ITGB3BP: variants seen among roughly 807,000 people sequenced by gnomAD.
ITGB3BP encodes the protein centromere protein R.
Under a neutral mutation model 29.1 loss-of-function variants are expected in ITGB3BP, and 27 were observed. The ratio of observed to expected loss-of-function variants is 0.93; its 90% CI spans 0.68 to 1.28. ITGB3BP has a LOEUF of 1.28. Ranked by LOEUF, ITGB3BP falls within the 50% of genes most tolerant of loss-of-function variation. ITGB3BP has a pLI of 0.00. For missense variants in ITGB3BP, 192 were observed against 200.2 expected, an observed-to-expected ratio of 0.96 and a Z score of 0.25; for synonymous variants, 61 against 61.4, an observed-to-expected ratio of 0.99 and a Z score of 0.03.
chr1:63,485,603 C>G (rs556015464), intron 3 of ITGB3BP, among the ~76,000 whole-genome samples: 20 of 152,024 alleles, frequency 1.3e-4, no homozygotes, highest in Non-Finnish European at 2.6e-4. Context: ...ACTCCTTTAT[C>G]TGAGGTTCAC....
chr1:63,504,314 T>G (rs1035841224), intron 2 of ITGB3BP, among the ~76,000 whole-genome samples: 2 of 151,950 alleles, frequency 1.3e-5, no homozygotes, highest in Non-Finnish European at 2.9e-5. Context: ...GCTCTGTTTG[T>G]CTGTTATTGG....
intron 2 of ITGB3BP, among the ~76,000 whole-genome samples, 175 bp from the exon 3 acceptor site, chr1:63,490,393 T>C (rs1260760675): frequency 6.6e-6 from 1 of 152,176 alleles, no homozygotes; most frequent in Non-Finnish European, 1.5e-5. Context: ...TCAAGGTAGA[T>C]ATTTCAGGTC....
At chr1:63,448,908 A>C (rs1350745415) in intron 7 of ITGB3BP, among the ~76,000 whole-genome samples, 1 of 152,120 alleles carries the variant, frequency 6.6e-6, no homozygotes, top group Admixed American at 6.6e-5. Context: ...AGTATGTGAG[A>C]TATGTCTCTG....
intron 2 of ITGB3BP, among the ~76,000 whole-genome samples, chr1:63,490,707 T>C (rs75021237): frequency 0.024 from 3,631 of 152,292 alleles, 62 homozygotes; most frequent in Middle Eastern, 0.085. Flanking sequence ...GTCCAAACAG[T>C]TGAGTCAGGC....
At chr1:63,455,066 T>TA (rs1644913700) in intron 4 of ITGB3BP, 98 bp from the exon 5 acceptor site, 11 of 624,976 alleles carry the variant, frequency 1.8e-5, no homozygotes, top group Admixed American at 2.8e-5. Context: ...ACCTTAGACT[T>TA]AGGTTCTTTC....
chr1:63,470,770 C>A (rs1557622145), intron 4 of ITGB3BP, among the ~76,000 whole-genome samples: 1 of 151,624 alleles, frequency 6.6e-6, no homozygotes, highest in Non-Finnish European at 1.5e-5. Flanking sequence ...TGGGTATATA[C>A]CCTGAAGTGG....
At chr1:63,475,494 A>C (rs942468271) in intron 4 of ITGB3BP, among the ~76,000 whole-genome samples, 8 of 152,154 alleles carry the variant, frequency 5.3e-5, no homozygotes, top group Non-Finnish European at 1.0e-4. Flanking sequence ...GGTTAAGGTT[A>C]TAGTGGGCTA....
chr1:63,493,070 C>CCACACACACACACACACA (rs10643042), intron 2 of ITGB3BP, among the ~76,000 whole-genome samples: 3 of 146,774 alleles, frequency 2.0e-5, no homozygotes, highest in Non-Finnish European at 4.5e-5. Context: ...GTGGATCACA[C>CCACACACACACACACACA]CACACACACA....
At chr1:63,517,895 T>C (rs755554938) in intron 1 of ITGB3BP, among the ~76,000 whole-genome samples, 3 of 152,198 alleles carry the variant, frequency 2.0e-5, no homozygotes, top group South Asian at 4.1e-4. Context: ...TTAATTTTCA[T>C]ATTTTTTCGT....
intron 4 of ITGB3BP, chr1:63,458,014 T>C (rs1644960291): frequency 1.3e-5 from 2 of 152,176 alleles, no homozygotes; most frequent in South Asian, 2.1e-4. Context: ...GGATTTTCAG[T>C]GCAGTTTTCC....
At chr1:63,486,135 A>G (rs1364751404) in intron 3 of ITGB3BP, among the ~76,000 whole-genome samples, 3 of 151,922 alleles carry the variant, frequency 2.0e-5, no homozygotes, top group African/African-American at 7.2e-5. Context: ...TCTCTGTACT[A>G]TTATATTGTT....
chr1:63,474,498 G>T (rs1254731066), intron 4 of ITGB3BP, among the ~76,000 whole-genome samples: 3 of 151,136 alleles, frequency 2.0e-5, no homozygotes, highest in East Asian at 1.9e-4. Flanking sequence ...ATGGTTGCCG[G>T]GTCTGTGTGG....
chr1:63,478,801 T>A lies in ITGB3BP; in HGVS notation c.217A>T (p.Thr73Ser), dbSNP rs1336641841. The A allele has an allele frequency of 4.1e-6, 6 of 1,462,668 alleles. No individual in the cohort carries two copies. Among genetic ancestry groups the A allele is most frequent in the Admixed American group, 2.3e-5 (1 of 43,172 alleles). The allele number at this position is 1,462,668 out of a possible 1,614,324, so 90.6% of individuals were successfully genotyped here. ...KRKKLNHPSL[T>S]ESKESTTKDN... ...TTTGTTGTAGATTCTTTGCTTTCAG[T>A]TAAACTGGGGTGATTCAATTTTTTT... The change falls in exon 4 of 9, where the codon ACT becomes TCT. Residue 73 changes from threonine (T) to serine (S), a missense_variant. Transcript: ENST00000271002.
In ITGB3BP at chr1:63,454,851, T is replaced by C. The variant is rs1195505199; in HGVS notation, c.333+39A>G. 1 of 915,572 alleles carries C rather than the reference T, an allele frequency of 1.1e-6. No individual in the cohort carries two copies. The highest frequency in any genetic ancestry group is 1.6e-5 in the South Asian group (1 of 63,620). 56.7% of individuals were successfully genotyped at this position (915,572 alleles called of 1,614,324 possible). On this transcript the variant is annotated intron_variant, in intron 5 of 8. Transcript: ENST00000271002. The surrounding 1 kb of genome is among the most constrained non-coding windows in gnomAD (Gnocchi z 4.1). ...AATCTGGGACACTTCTTTCATTTTA[T>C]CCTTTTCAAACAGGGTAGAAGTATG...
At chr1:63,482,270 CAAAAA>C (rs376500389) in intron 3 of ITGB3BP, among the ~76,000 whole-genome samples, 1 of 59,354 alleles carries the variant, frequency 1.7e-5, no homozygotes, top group African/African-American at 6.9e-5. Context: ...GACTCCATCT[CAAAAA>C]AAAAAAAAAA....
At chr1:63,461,295 G>C (rs1378255089) in intron 4 of ITGB3BP, among the ~76,000 whole-genome samples, 1 of 145,342 alleles carries the variant, frequency 6.9e-6, no homozygotes, top group Non-Finnish European at 1.5e-5. Context: ...TCAAGTCTTT[G>C]CCTATATTTA....
rs970882299 is a variant in ITGB3BP at position 63,503,994 on chromosome 1, A to G, written c.48+4534T>C. Among the ~76,000 whole-genome samples, 121 of 151,934 alleles carry G rather than the reference A, an allele frequency of 8.0e-4. 2 individuals are homozygous for G. The highest frequency in any genetic ancestry group is 2.8e-3 in the African/African-American group (114 of 41,292). On this transcript the variant is annotated intron_variant, in intron 2 of 8. Transcript: ENST00000271002. Reference sequence around the variant, plus strand: ...TGGCTTAGGATTGACTTGGCGATGCAGGCTCTTTTTTGGTTCCATATGAAC... The same window carrying G: ...TGGCTTAGGATTGACTTGGCGATGCGGGCTCTTTTTTGGTTCCATATGAAC...
At chr1:63,484,925 T>C (rs994784737) in intron 3 of ITGB3BP, among the ~76,000 whole-genome samples, 6 of 152,082 alleles carry the variant, frequency 3.9e-5, no homozygotes, top group African/African-American at 1.2e-4. Context: ...CTTTTATTTT[T>C]GTAGTGGTGA....
chr1:63,476,030 CTTTT>C (rs1017582319), intron 4 of ITGB3BP, among the ~76,000 whole-genome samples: 2 of 136,510 alleles, frequency 1.5e-5, no homozygotes, highest in Non-Finnish European at 3.2e-5. Context: ...GTATCATTTT[CTTTT>C]TTTTTTTAAG....
Sources: allele counts gnomAD v4.1 joint callset (sites outside exome capture counted in the v4.1 genomes callset), GRCh38; gene constraint gnomAD v4.1.1; non-coding constraint Gnocchi (gnomAD v3.1); transcripts MANE v1.5; gene names NCBI Gene and HGNC (gene_info 2026-07-23, HGNC 2026-07-21).